The following NRXN3 variants were observed in gnomAD, a reference collection of about 807,000 sequenced individuals.
The protein encoded by NRXN3 is neurexin III.
A neutral mutation model predicts 137.6 loss-of-function variants in NRXN3; 32 were observed. That is an observed-to-expected ratio of 0.23 (90% CI 0.18 to 0.31). The LOEUF is 0.31. NRXN3 is among the 10% of genes least tolerant of loss of function. The probability of loss-of-function intolerance (pLI) is 1.00; values close to 1 mark genes in which losing one functional copy is unlikely to be tolerated. For synonymous variants in NRXN3, 798 were observed against 784.5 expected, an observed-to-expected ratio of 1.02 and a Z score of -0.29; for missense variants, 1,574 against 2,062.5, an observed-to-expected ratio of 0.76 and a Z score of 4.59.
intron 14 of NRXN3, among the ~76,000 whole-genome samples, chr14:78,983,839 G>A (rs2099495718): frequency 7.7e-6 from 1 of 130,560 alleles, no homozygotes; most frequent in South Asian, 2.3e-4. Flanking sequence ...CCTGGTGACA[G>A]AGCAAGATTC....
At chr14:79,101,268 A>G (rs1316360368) in intron 15 of NRXN3, among the ~76,000 whole-genome samples, 2 of 152,316 alleles carry the variant, frequency 1.3e-5, no homozygotes, top group East Asian at 1.9e-4. Flanking sequence ...TACTTGTGGA[A>G]TGACTCTGAA....
intron 15 of NRXN3, among the ~76,000 whole-genome samples, chr14:79,367,882 G>C: frequency 6.6e-6 from 1 of 152,162 alleles, no homozygotes; most frequent in East Asian, 1.9e-4. Context: ...TCTGCTTCTT[G>C]TGATGTTTGC....
rs143232691 is a variant in NRXN3 at position 78,584,865 on chromosome 14, A to T, written c.758-60255A>T. Among the ~76,000 whole-genome samples, 20 of 152,306 alleles carry T rather than the reference A, an allele frequency of 1.3e-4. No homozygotes were observed. The East Asian group carries it at 3.1e-3, about 24-fold the overall frequency. On this transcript the variant is annotated intron_variant, in intron 4 of 20. Transcript: ENST00000335750. ...CTGTACCTCTGCATTTTCAATTTGCAAGAGTGGTTGCAGAGTTAAACTAGA... is the reference window on the plus strand; with the variant it reads ...CTGTACCTCTGCATTTTCAATTTGCTAGAGTGGTTGCAGAGTTAAACTAGA...
chr14:79,414,226 G>A (rs1258339482), intron 15 of NRXN3, among the ~76,000 whole-genome samples: 1 of 152,078 alleles, frequency 6.6e-6, no homozygotes, highest in Admixed American at 6.6e-5. Context: ...CCATATGTTA[G>A]GCAGGGTTAT....
At chr14:78,487,131 T>G (rs1392559520) in intron 4 of NRXN3, among the ~76,000 whole-genome samples, 2 of 152,212 alleles carry the variant, frequency 1.3e-5, no homozygotes, top group Non-Finnish European at 2.9e-5. Context: ...ATCTATGATA[T>G]GAGCTATTTT....
At chr14:79,663,646 T>A in intron 16 of NRXN3, 132 bp from the exon 17 acceptor site, 1 of 723,264 alleles carries the variant, frequency 1.4e-6, no homozygotes, top group Non-Finnish European at 2.3e-6. Flanking sequence ...TAGAATGCTA[T>A]TATTATCTTA....
chr14:79,332,485 A>G (rs949914692), intron 15 of NRXN3, among the ~76,000 whole-genome samples: 1 of 152,118 alleles, frequency 6.6e-6, no homozygotes, highest in Non-Finnish European at 1.5e-5. Flanking sequence ...ATGTCTAGTG[A>G]ACTTCTACTC....
At chr14:78,843,902 T>C (rs2099019561) in intron 10 of NRXN3, among the ~76,000 whole-genome samples, 1 of 152,124 alleles carries the variant, frequency 6.6e-6, no homozygotes, top group African/African-American at 2.4e-5. Flanking sequence ...TGCATTCTGA[T>C]GTCAAGAAGC....
intron 4 of NRXN3, among the ~76,000 whole-genome samples, chr14:78,426,921 G>C (rs56063448): frequency 0.094 from 14,382 of 152,208 alleles, 963 homozygotes; most frequent in African/African-American, 0.17. Context: ...GAGAGGCAGA[G>C]TTCAGATTTG....
chr14:79,117,714 C>T (rs1363258353), intron 15 of NRXN3, among the ~76,000 whole-genome samples: 1 of 152,228 alleles, frequency 6.6e-6, no homozygotes. Flanking sequence ...TCTTTGGCAG[C>T]ACTTCTGTCT....
chr14:78,507,770 A>T (rs1488125564), intron 4 of NRXN3, among the ~76,000 whole-genome samples: 1 of 152,180 alleles, frequency 6.6e-6, no homozygotes, highest in East Asian at 1.9e-4. Context: ...TAAAATAAAT[A>T]AGCATCCATT....
intron 14 of NRXN3, 92 bp from the exon 15 acceptor site, chr14:78,987,930 T>C (rs1391572632): frequency 1.6e-5 from 22 of 1,393,788 alleles, no homozygotes; most frequent in Non-Finnish European, 3.9e-6. Context: ...GGCATGAGAA[T>C]GGTAAATTCA....
At chr14:78,771,784 CAA>C (rs1212456136) in intron 8 of NRXN3, among the ~76,000 whole-genome samples, 2 of 152,180 alleles carry the variant, frequency 1.3e-5, no homozygotes, top group African/African-American at 4.8e-5. Flanking sequence ...GCCTTATTTG[CAA>C]AGAGACAGCT....
intron 8 of NRXN3, among the ~76,000 whole-genome samples, chr14:78,791,041 G>C (rs549821571): frequency 5.7e-4 from 87 of 152,254 alleles, no homozygotes; most frequent in African/African-American, 2.1e-3. Flanking sequence ...GATGTAAATG[G>C]TATCACTTCC....
At chr14:79,059,220 A>G (rs932914429) in intron 15 of NRXN3, among the ~76,000 whole-genome samples, 10 of 147,736 alleles carry the variant, frequency 6.8e-5, no homozygotes, top group South Asian at 2.1e-4. Context: ...GCATTGATCT[A>G]TCATAAGAAG....
In NRXN3 at chr14:78,545,267, C is replaced by T. The variant is rs1028267731; in HGVS notation, c.758-99853C>T. 6.6e-5 allele frequency among the ~76,000 whole-genome samples: 10 copies of T among 152,130 alleles called. No homozygotes were observed. In the East Asian group the frequency reaches 1.5e-3, roughly 23 times the overall value. On this transcript the variant is annotated intron_variant, in intron 4 of 20. Transcript: ENST00000335750. Reference sequence around the variant, plus strand: ...GTGGTTTCTGAGGGCAAGACCTAGGCTCCTCTCTCAATTCTCTTTTGATTT... The same window carrying T: ...GTGGTTTCTGAGGGCAAGACCTAGGTTCCTCTCTCAATTCTCTTTTGATTT...
At chr14:79,507,242 G>A (rs945818046) in intron 16 of NRXN3, among the ~76,000 whole-genome samples, 3 of 152,166 alleles carry the variant, frequency 2.0e-5, no homozygotes, top group African/African-American at 2.4e-5. Context: ...CAGTGAAATC[G>A]GCCGCTTTTC....
intron 15 of NRXN3, among the ~76,000 whole-genome samples, chr14:78,999,704 T>C (rs2099537501): frequency 6.6e-6 from 1 of 152,178 alleles, no homozygotes; most frequent in Admixed American, 6.5e-5. Context: ...TGAACAGTCA[T>C]TCATACATAC....
Position 79,024,256 on chromosome 14 carries a change from T to G in NRXN3, c.3262+36115T>G, listed in dbSNP as rs944105243. 1.2e-4 allele frequency among the ~76,000 whole-genome samples: 18 copies of G among 152,326 alleles called. No individual in the cohort carries two copies. The East Asian group carries it at 1.7e-3, about 15-fold the overall frequency. The stretch of plus-strand genomic sequence containing the variant: ...AACTTCAGGCCATCAATGGGAAGCA[T>G]CTTCCTTTTGCTTCCCTCTCTCCTT... On this transcript the variant is annotated intron_variant, in intron 15 of 20. Coordinates refer to ENST00000335750, the MANE Select transcript of NRXN3 (RefSeq NM_001330195.2).
Sources: allele counts gnomAD v4.1 joint callset (sites outside exome capture counted in the v4.1 genomes callset), GRCh38; gene constraint gnomAD v4.1.1; transcripts MANE v1.5; gene names NCBI Gene and HGNC (gene_info 2026-07-23, HGNC 2026-07-21).